Variants in ACOT7 observed in about 807,000 individuals in gnomAD.
The protein encoded by ACOT7 is cytosolic acyl coenzyme A thioester hydrolase.
Under a neutral mutation model 40.2 loss-of-function variants are expected in ACOT7, and 12 were observed. The ratio of observed to expected loss-of-function variants is 0.30; its 90% confidence interval spans 0.19 to 0.48. The LOEUF is 0.48. Ranked by LOEUF, ACOT7 falls within the 20% of genes least tolerant of loss-of-function variation. The probability of loss-of-function intolerance (pLI) is 0.99; values close to 1 mark genes in which losing one functional copy is unlikely to be tolerated. For missense variants in ACOT7, 395 were observed against 530.8 expected (o/e 0.74, Z 2.51); for synonymous variants, 228 against 219.5 (o/e 1.04, Z -0.34).
At chr1:6,331,285 CAGTT>C (rs1640946699) in intron 4 of ACOT7, among the ~76,000 whole-genome samples, 1 of 152,182 alleles carries the variant, frequency 6.6e-6, no homozygotes, top group African/African-American at 2.4e-5. Context: ...TAGTTGTAAA[CAGTT>C]AGAATGAGGT....
intron 1 of ACOT7, among the ~76,000 whole-genome samples, chr1:6,369,902 T>C (rs1177675392): frequency 6.6e-6 from 1 of 152,192 alleles, no homozygotes; most frequent in East Asian, 1.9e-4. Context: ...AAGTCAAGAT[T>C]ACTCCTTGAT....
chr1:6,382,685 A>G (rs1160181056), intron 1 of ACOT7, among the ~76,000 whole-genome samples: 1 of 150,580 alleles, frequency 6.6e-6, no homozygotes, highest in East Asian at 2.0e-4. Context: ...GTATGGTAGC[A>G]CATGCCTGTG....
chr1:6,365,386 G>C (rs921640605), intron 1 of ACOT7, among the ~76,000 whole-genome samples: 2 of 152,022 alleles, frequency 1.3e-5, no homozygotes, highest in Non-Finnish European at 1.5e-5. Flanking sequence ...GATTTTTTTG[G>C]TTTCCCAGTG....
At chr1:6,390,444 C>T (rs1364157678) in intron 1 of ACOT7, among the ~76,000 whole-genome samples, 2 of 150,328 alleles carry the variant, frequency 1.3e-5, no homozygotes, top group Non-Finnish European at 3.0e-5. Flanking sequence ...CGGTGGTGCA[C>T]GCCTGTAGTC....
intron 6 of ACOT7, among the ~76,000 whole-genome samples, chr1:6,300,579 GC>G (rs1639941051): frequency 7.4e-6 from 1 of 135,262 alleles, no homozygotes; most frequent in African/African-American, 2.8e-5. Context: ...TGCGCGGCCG[GC>G]CCTCTCCACA....
chr1:6,333,861 C>A (rs971870228), intron 3 of ACOT7, among the ~76,000 whole-genome samples: 11 of 152,286 alleles, frequency 7.2e-5, no homozygotes, highest in Middle Eastern at 3.4e-3. Flanking sequence ...CATGCCCCCC[C>A]AAAACTGGCT....
intron 7 of ACOT7, among the ~76,000 whole-genome samples, chr1:6,283,556 G>C (rs1170554442): frequency 6.6e-6 from 1 of 152,196 alleles, no homozygotes; most frequent in Admixed American, 6.5e-5. Context: ...CTTAATTGCT[G>C]TGTTAGAAAT....
intron 6 of ACOT7, among the ~76,000 whole-genome samples, chr1:6,308,340 A>AACAGGCAGAAGGAACAGCC (rs1640225002): frequency 6.6e-6 from 1 of 151,574 alleles, no homozygotes; most frequent in Admixed American, 6.6e-5. Context: ...AGGGAACCAC[A>AACAGGCAGAAGGAACAGCC]ACAGGCAGAA....
chr1:6,362,775 C>T (rs376054686), intron 1 of ACOT7, among the ~76,000 whole-genome samples: 6 of 152,188 alleles, frequency 3.9e-5, no homozygotes, highest in East Asian at 3.9e-4. Flanking sequence ...TTTGGCTAGG[C>T]GCGGTCGTGC....
In ACOT7 at chr1:6,358,646, G is replaced by A. The variant is rs558569316; in HGVS notation, c.144-8780C>T. ...GCTTCGGCTGACCACCTAATCTTGG[G>A]GGTCAGTAAGAGCCAGGCCAGGTGG... On this transcript the variant is annotated intron_variant, in intron 1 of 8. Transcript: ENST00000361521. The surrounding 1 kb of genome is among the most constrained non-coding windows in gnomAD (Gnocchi z 4.1). Among the ~76,000 whole-genome samples, 9 of 152,292 alleles carry A rather than the reference G, an allele frequency of 5.9e-5. No individual in the cohort carries two copies. In the South Asian group the frequency reaches 1.9e-3, roughly 32 times the overall value.
At chr1:6,324,995 G>T (rs1389052566) in intron 5 of ACOT7, among the ~76,000 whole-genome samples, 2 of 152,196 alleles carry the variant, frequency 1.3e-5, no homozygotes, top group African/African-American at 4.8e-5. Flanking sequence ...CCTGACTGCT[G>T]GGCTGCCCTC....
In ACOT7 at chr1:6,338,920, G is replaced by A. The variant is rs1641184770; in HGVS notation, c.418+513C>T. Reference sequence around the variant, plus strand: ...GGAAGGGGGTTTCCATGGTTACCATGGCCAAGGAGGAGAATATTCAGATGA... The same window carrying A: ...GGAAGGGGGTTTCCATGGTTACCATAGCCAAGGAGGAGAATATTCAGATGA... On this transcript the variant is annotated intron_variant, in intron 3 of 8. Transcript: ENST00000361521. This position sits in a 1 kb window ranked among gnomAD's most constrained non-coding sequence, Gnocchi z 4.4. 2.0e-5 allele frequency among the ~76,000 whole-genome samples: 3 copies of A among 152,318 alleles called. No individual in the cohort carries two copies. The South Asian group carries it at 6.2e-4, about 32-fold the overall frequency.
intron 5 of ACOT7, among the ~76,000 whole-genome samples, chr1:6,321,677 G>A (rs932016264): frequency 2.0e-5 from 3 of 152,180 alleles, no homozygotes; most frequent in African/African-American, 7.2e-5. Context: ...ACTGCGCCCG[G>A]CTAATTTTTT....
At chr1:6,357,514 G>A (rs1162210005) in intron 1 of ACOT7, among the ~76,000 whole-genome samples, 2 of 152,204 alleles carry the variant, frequency 1.3e-5, no homozygotes, top group Admixed American at 1.3e-4. Flanking sequence ...TGGAAAGCTG[G>A]GTGGGACAGA....
chr1:6,391,887 C>T (rs757776343), intron 1 of ACOT7, among the ~76,000 whole-genome samples: 8 of 152,126 alleles, frequency 5.3e-5, no homozygotes, highest in Non-Finnish European at 7.3e-5. Flanking sequence ...CCAGCCAATA[C>T]TCAGCAGAGC....
At chr1:6,310,059 G>A (rs1640288280) in intron 6 of ACOT7, among the ~76,000 whole-genome samples, 1 of 152,210 alleles carries the variant, frequency 6.6e-6, no homozygotes, top group South Asian at 2.1e-4. Flanking sequence ...GTCACCTTCA[G>A]AAGTTAGGAC....
intron 6 of ACOT7, among the ~76,000 whole-genome samples, chr1:6,296,427 A>ATT (rs5772228): frequency 4.8e-4 from 70 of 144,840 alleles, no homozygotes; most frequent in African/African-American, 1.3e-3. Flanking sequence ...TCAATTTTTA[A>ATT]TTTTTTTTTT....
At chr1:6,307,002 T>C in intron 6 of ACOT7, 2 of 1,074,356 alleles carry the variant, frequency 1.9e-6, no homozygotes, top group Non-Finnish European at 2.5e-6. Context: ...CCCTTTCCTC[T>C]GCCTCCTCCT....
At chr1:6,279,607 T>G (rs1571264604) in intron 8 of ACOT7, among the ~76,000 whole-genome samples, 1 of 152,200 alleles carries the variant, frequency 6.6e-6, no homozygotes, top group African/African-American at 2.4e-5. Flanking sequence ...TTCCTTCCTT[T>G]CAGCCTGGCC....
Sources: allele counts gnomAD v4.1 joint callset (sites outside exome capture counted in the v4.1 genomes callset), GRCh38; gene constraint gnomAD v4.1.1; non-coding constraint Gnocchi (gnomAD v3.1); transcripts MANE v1.5; gene names NCBI Gene and HGNC (gene_info 2026-07-23, HGNC 2026-07-21).